Variants in FAT3 observed in about 807,000 individuals in gnomAD.
FAT3 encodes FAT atypical cadherin 3, also known as protocadherin Fat 3.
In FAT3, 95 loss-of-function variants were observed where a neutral mutation model predicts 310.2. That is an observed-to-expected ratio of 0.31 (90% CI 0.26 to 0.36). FAT3 has a LOEUF of 0.36. FAT3 is among the 10% of genes least tolerant of loss of function. The pLI, the probability that FAT3 is intolerant of heterozygous loss-of-function variation, is 1.00. For synonymous variants in FAT3, 2,314 were observed against 2,192.9 expected (o/e 1.06, Z -1.54); for missense variants, 5,408 against 5,715.6 (o/e 0.95, Z 1.74).
In FAT3 at chr11:92,358,780, G is replaced by C. The variant is rs1046784722; in HGVS notation, c.3292+3376G>C. 3.3e-5 allele frequency among the ~76,000 whole-genome samples: 5 copies of C among 152,198 alleles called. No individual in the cohort carries two copies. The East Asian group carries it at 9.7e-4, about 29-fold the overall frequency. ...CACTGAATTTTTACTACTGTTGAAT[G>C]ATCCATCAATTTTTTGCTTCCAAGT... On this transcript the variant is annotated intron_variant, in intron 2 of 27. Transcript: ENST00000525166.
At chr11:92,323,864 G>T (rs184683779) in intron 1 of FAT3, among the ~76,000 whole-genome samples, 3 of 152,200 alleles carry the variant, frequency 2.0e-5, no homozygotes, top group East Asian at 3.8e-4. Flanking sequence ...AGCTATGAAA[G>T]CTTCTTCTTT....
At chr11:92,229,489 C>CTTTTTTTTTTTTTTTTTTTTTTTTTT (rs1565339181) in intron 1 of FAT3, among the ~76,000 whole-genome samples, 2 of 48,634 alleles carry the variant, frequency 4.1e-5, no homozygotes, top group African/African-American at 1.6e-4. Flanking sequence ...TTTGTTTTTT[C>CTTTTTTTTTTTTTTTTTTTTTTTTTT]GTGTTTTTTT....
At chr11:92,291,488 G>A (rs979323394) in intron 1 of FAT3, among the ~76,000 whole-genome samples, 1 of 152,066 alleles carries the variant, frequency 6.6e-6, no homozygotes, top group Non-Finnish European at 1.5e-5. Context: ...GATGTAGAGG[G>A]GAGGAACACT....
rs529364671 is a variant in FAT3 at position 92,589,992 on chromosome 11, G to T, written c.3607+65044G>T. 5.9e-5 allele frequency among the ~76,000 whole-genome samples: 9 copies of T among 152,208 alleles called. No individual in the cohort carries two copies. The South Asian group carries it at 1.7e-3, about 28-fold the overall frequency. Reference sequence around the variant, plus strand: ...AAATTAAATTTCAGTAGATTTTTAAGTTGGAACAAATTTCTCTCCTTATAG... The same window carrying T: ...AAATTAAATTTCAGTAGATTTTTAATTTGGAACAAATTTCTCTCCTTATAG... On this transcript the variant is annotated intron_variant, in intron 3 of 27. Coordinates refer to ENST00000525166, the MANE Select transcript of FAT3 (RefSeq NM_001367949.2).
At chr11:92,757,660 G>A (rs1026902577) in intron 4 of FAT3, among the ~76,000 whole-genome samples, 1 of 152,172 alleles carries the variant, frequency 6.6e-6, no homozygotes, top group African/African-American at 2.4e-5. Context: ...ATGTGGCAGG[G>A]CAGATGAATG....
chr11:92,484,646 A>T (rs973817555), intron 2 of FAT3, among the ~76,000 whole-genome samples: 1 of 152,236 alleles, frequency 6.6e-6, no homozygotes, highest in Non-Finnish European at 1.5e-5. Context: ...ATTACTGAAA[A>T]AAATCAAATC....
At chr11:92,581,812 A>G (rs915440843) in intron 3 of FAT3, among the ~76,000 whole-genome samples, 1 of 152,062 alleles carries the variant, frequency 6.6e-6, no homozygotes, top group South Asian at 2.1e-4. Flanking sequence ...TTTAACCTAC[A>G]TAACTAGTGT....
rs190781359 is a variant in FAT3, at chr11:92,768,904, A to C, written c.4195+3815A>C. 9.7e-4 allele frequency among the ~76,000 whole-genome samples: 148 copies of C among 152,340 alleles called. 1 individual carries two copies. Among genetic ancestry groups the C allele is most frequent in the Middle Eastern group, 3.4e-3 (1 of 294 alleles). On this transcript the variant is annotated intron_variant, in intron 6 of 27. Transcript: ENST00000525166. Reference sequence around the variant, plus strand: ...AGAGACACTGAGTTACAGAGAAGACATCATCTTGGCATGACACTTACAGCT... The same window carrying C: ...AGAGACACTGAGTTACAGAGAAGACCTCATCTTGGCATGACACTTACAGCT...
chr11:92,518,105 G>A (rs1249073029), intron 2 of FAT3, among the ~76,000 whole-genome samples: 1 of 152,074 alleles, frequency 6.6e-6, no homozygotes, highest in Non-Finnish European at 1.5e-5. Flanking sequence ...AATAATGCTA[G>A]AAATATTACT....
chr11:92,548,456 T>C (rs1393911325), intron 3 of FAT3, among the ~76,000 whole-genome samples: 1 of 152,226 alleles, frequency 6.6e-6, no homozygotes. Flanking sequence ...TTGAATTATC[T>C]TTTTATTTTT....
chr11:92,345,080 A>G lies in FAT3; in HGVS notation c.-17-7016A>G, dbSNP rs554045489. Among the ~76,000 whole-genome samples the G allele has an allele frequency of 3.3e-5, 5 of 152,272 alleles. No individual in the cohort carries two copies. In the East Asian group the frequency reaches 7.7e-4, roughly 24 times the overall value. The stretch of plus-strand genomic sequence containing the variant: ...CCTACCTATACAGAATTAGTGTGTC[A>G]TGGAACACAGTTTGGGAAATAGTGG... On this transcript the variant is annotated intron_variant, in intron 1 of 27. Transcript: ENST00000525166.
chr11:92,474,634 G>A (rs1591338462), intron 2 of FAT3, among the ~76,000 whole-genome samples: 2 of 152,146 alleles, frequency 1.3e-5, no homozygotes, highest in South Asian at 4.1e-4. Context: ...GAGACTCCAG[G>A]AGCTCAGAGC....
At chr11:92,307,692 A>C (rs1246919028) in intron 1 of FAT3, among the ~76,000 whole-genome samples, 2 of 152,210 alleles carry the variant, frequency 1.3e-5, no homozygotes, top group Non-Finnish European at 2.9e-5. Context: ...CAAATTTTGC[A>C]TATGTAGAAA....
chr11:92,647,207 C>CA (rs1187978816), intron 3 of FAT3, among the ~76,000 whole-genome samples: 1 of 152,036 alleles, frequency 6.6e-6, no homozygotes, highest in Non-Finnish European at 1.5e-5. Context: ...TAATCTCTCT[C>CA]AAAAACTTTC....
intron 3 of FAT3, among the ~76,000 whole-genome samples, chr11:92,679,355 T>G (rs1208266204): frequency 1.3e-5 from 2 of 152,120 alleles, no homozygotes; most frequent in African/African-American, 2.4e-5. Context: ...GTTCTATTTT[T>G]AGGTATTTGA....
chr11:92,251,462 T>G (rs1349194113), intron 1 of FAT3, among the ~76,000 whole-genome samples: 1 of 152,124 alleles, frequency 6.6e-6, no homozygotes, highest in Non-Finnish European at 1.5e-5. Flanking sequence ...CACTTGAAAA[T>G]AATTGATGAA....
intron 4 of FAT3, among the ~76,000 whole-genome samples, chr11:92,705,616 GTGGTGTGATGGTGGTGTGTGATGGTGGT>G (rs1944291047): frequency 8.6e-5 from 1 of 11,668 alleles, no homozygotes; most frequent in Non-Finnish European, 1.7e-4. Context: ...TGTGGTGGTG[GTGGTGTGATGGTGGTGTGTGATGGTGGT>G]TGGTGGTGTG....
intron 1 of FAT3, among the ~76,000 whole-genome samples, chr11:92,286,575 A>G (rs1375970172): frequency 6.6e-6 from 1 of 152,160 alleles, no homozygotes; most frequent in Non-Finnish European, 1.5e-5. Flanking sequence ...AGTTAGCAGT[A>G]GTCTCTGATA....
rs183991941 is a variant in FAT3 at position 92,777,385 on chromosome 11, A to G, written c.4335+3205A>G. 1.6e-3 allele frequency among the ~76,000 whole-genome samples: 245 copies of G among 152,258 alleles called. 2 individuals are homozygous for G. Among genetic ancestry groups the G allele is most frequent in the Non-Finnish European group, 6.5e-4 (44 of 68,020 alleles). On this transcript the variant is annotated intron_variant, in intron 7 of 27. Coordinates refer to ENST00000525166, the MANE Select transcript of FAT3 (RefSeq NM_001367949.2). Reference sequence around the variant, plus strand: ...TATTCTCCCAACTCTCACAGGATTCATGTGCCTCAGAGCTACAATATCTAA... The same window carrying G: ...TATTCTCCCAACTCTCACAGGATTCGTGTGCCTCAGAGCTACAATATCTAA...
Sources: allele counts gnomAD v4.1 joint callset (sites outside exome capture counted in the v4.1 genomes callset), GRCh38; gene constraint gnomAD v4.1.1; transcripts MANE v1.5; gene names NCBI Gene and HGNC (gene_info 2026-07-23, HGNC 2026-07-21).